EDA: variants seen among roughly 807,000 people sequenced by gnomAD.
The protein encoded by EDA is ectodysplasin-A.
Under a neutral mutation model 23.6 loss-of-function variants are expected in EDA, and 2 were observed. The ratio of observed to expected loss-of-function variants is 0.08; its 90% CI spans 0.03 to 0.27. The LOEUF is 0.27. EDA is among the 10% of genes least tolerant of loss of function. EDA has a pLI of 1.00. For missense variants in EDA, 229 were observed against 324.2 expected, an observed-to-expected ratio of 0.71 and a Z score of 2.26; for synonymous variants, 131 against 132.0, an observed-to-expected ratio of 0.99 and a Z score of 0.05.
rs2011297709 is a variant in EDA, at chrX:69,695,351, G to A, written c.396+78647G>A. Among the ~76,000 whole-genome samples the A allele has an allele frequency of 8.2e-5, 9 of 110,188 alleles. No homozygotes were observed. The Admixed American group carries it at 8.8e-4, about 11-fold the overall frequency. On this transcript the variant is annotated intron_variant, in intron 1 of 7. Transcript: ENST00000374552. ...GAAAGAAGGAAAATATATATATATG[G>A]TTTAAAACACTTGGTCAAAATATGA...
At chrX:69,771,389 CT>C (rs2014636023) in intron 1 of EDA, among the ~76,000 whole-genome samples, 1 of 111,239 alleles carries the variant, frequency 9.0e-6, no homozygotes, top group Admixed American at 9.6e-5. Context: ...CGTAGTACTC[CT>C]TGGATGAACC....
intron 1 of EDA, among the ~76,000 whole-genome samples, chrX:69,788,998 C>T (rs1028612432): frequency 9.8e-5 from 11 of 112,551 alleles, no homozygotes; most frequent in African/African-American, 3.5e-4. Context: ...CTCGTGGTGC[C>T]CCGTTTTTTT....
chrX:69,963,462 G>A (rs944660187), intron 2 of EDA, among the ~76,000 whole-genome samples: 4 of 111,854 alleles, frequency 3.6e-5, no homozygotes, highest in South Asian at 7.5e-4. Context: ...GTGTGGACTC[G>A]AAGAGGATTG....
chrX:69,694,950 G>A (rs764089815), intron 1 of EDA, among the ~76,000 whole-genome samples: 2 of 112,089 alleles, frequency 1.8e-5, no homozygotes, highest in Non-Finnish European at 3.8e-5. Context: ...GGGCCTATCT[G>A]GAAAATCCCA....
At chrX:69,639,950 T>A in intron 1 of EDA, among the ~76,000 whole-genome samples, 1 of 112,114 alleles carries the variant, frequency 8.9e-6, no homozygotes, top group African/African-American at 3.2e-5. Context: ...AAGATAAAGG[T>A]TCAGTTTCAC....
intron 1 of EDA, among the ~76,000 whole-genome samples, chrX:69,888,978 T>TAGATAGATATATATATATA (rs1556026049): frequency 2.2e-3 from 36 of 16,013 alleles, no homozygotes; most frequent in Admixed American, 4.3e-3. Context: ...TGTGGGGTAG[T>TAGATAGATATATATATATA]TATATATATA....
chrX:69,824,208 A>G (rs1195296097), intron 1 of EDA, among the ~76,000 whole-genome samples: 2 of 110,519 alleles, frequency 1.8e-5, no homozygotes, highest in East Asian at 2.9e-4. Context: ...TATGAACTTT[A>G]AAGTAGTTTT....
intron 1 of EDA, among the ~76,000 whole-genome samples, chrX:69,924,981 T>C (rs967057869): frequency 1.8e-5 from 2 of 111,921 alleles, no homozygotes; most frequent in Non-Finnish European, 3.8e-5. Flanking sequence ...GGAATGCTTG[T>C]GATTTTTGCA....
At chrX:69,879,104 C>T in intron 1 of EDA, among the ~76,000 whole-genome samples, 1 of 110,631 alleles carries the variant, frequency 9.0e-6, no homozygotes, top group African/African-American at 3.3e-5. Flanking sequence ...CAACCGCTCC[C>T]GCCAAGCCTT....
chrX:69,654,517 A>G (rs1602256788), intron 1 of EDA, among the ~76,000 whole-genome samples: 3 of 111,817 alleles, frequency 2.7e-5, no homozygotes, highest in African/African-American at 9.8e-5. Flanking sequence ...TAGCGGCACT[A>G]TTCACAATAG....
At position 69,968,309 on chromosome X, in the gene EDA, A is replaced by T. The variant is rs746622738; in HGVS notation, c.502+11177A>T. Among the ~76,000 whole-genome samples the T allele has an allele frequency of 3.0e-3, 339 of 112,032 alleles. 4 individuals are homozygous for T. The highest frequency in any genetic ancestry group is 0.011 in the African/African-American group (331 of 30,871). ...ACATACTAGGCATGCATATATGACG[A>T]ATTAGGTGACAATTATGTTTTGGAA... On this transcript the variant is annotated intron_variant, in intron 2 of 7. Transcript: ENST00000374552.
chrX:69,898,062 T>G (rs1230451196), intron 1 of EDA, among the ~76,000 whole-genome samples: 1 of 111,582 alleles, frequency 9.0e-6, no homozygotes, highest in Non-Finnish European at 1.9e-5. Flanking sequence ...AATAAACAAT[T>G]TGGACAACAT....
intron 1 of EDA, among the ~76,000 whole-genome samples, chrX:69,916,368 GACATTAGTA>G (rs1307628144): frequency 9.5e-6 from 1 of 105,145 alleles, no homozygotes; most frequent in Non-Finnish European, 1.9e-5. Context: ...CATGCCACCA[GACATTAGTA>G]ACATTAATCT....
intron 1 of EDA, among the ~76,000 whole-genome samples, chrX:69,621,536 G>A (rs1023697576): frequency 8.9e-6 from 1 of 111,751 alleles, no homozygotes; most frequent in African/African-American, 3.3e-5. Context: ...ACTCTCTCAA[G>A]TTCTGACATC....
intron 1 of EDA, among the ~76,000 whole-genome samples, chrX:69,689,307 T>TTA (rs55838148): frequency 1.9e-5 from 2 of 107,623 alleles, no homozygotes; most frequent in Non-Finnish European, 3.9e-5. Context: ...CATGCTTTTT[T>TTA]TTTTTTGAGA....
intron 1 of EDA, among the ~76,000 whole-genome samples, chrX:69,808,384 A>C (rs1048159211): frequency 9.0e-6 from 1 of 111,681 alleles, no homozygotes; most frequent in African/African-American, 3.3e-5. Context: ...GTATCAGTAC[A>C]CATGGAGTAT....
At chrX:69,721,484 A>G (rs10126474) in intron 1 of EDA, among the ~76,000 whole-genome samples, 6,669 of 111,267 alleles carry the variant, frequency 0.06, 475 homozygotes, top group African/African-American at 0.2. Flanking sequence ...TGTCAGCCTC[A>G]GTATGTCTTG....
intron 1 of EDA, among the ~76,000 whole-genome samples, chrX:69,952,150 C>G (rs1471645778): frequency 3.6e-5 from 4 of 112,069 alleles, no homozygotes; most frequent in Non-Finnish European, 7.5e-5. Flanking sequence ...AATAGGGACT[C>G]TCTCATTTTA....
At chrX:69,979,664 T>C (rs1437596464) in intron 2 of EDA, among the ~76,000 whole-genome samples, 1 of 112,080 alleles carries the variant, frequency 8.9e-6, no homozygotes, top group Non-Finnish European at 1.9e-5. Context: ...TCTTTTCATG[T>C]GATTATTGGC....
Sources: gnomAD v4.1 joint callset for allele counts (sites outside exome capture counted in the v4.1 genomes callset) on GRCh38, gnomAD v4.1.1 for gene constraint, MANE v1.5 for transcripts, NCBI Gene and HGNC (gene_info 2026-07-23, HGNC 2026-07-21) for gene names.